Variants in GALT observed in about 807,000 individuals in gnomAD.
The protein encoded by GALT is galactose-1-phosphate uridylyltransferase.
GALT carries 42 observed loss-of-function variants against 55.4 expected under a neutral mutation model. That is an observed-to-expected ratio of 0.76 (90% CI 0.59 to 0.98). GALT has a LOEUF of 0.98. Ranked by LOEUF, GALT falls within the 50% of genes least tolerant of loss-of-function variation. The pLI is 0.00. For synonymous variants in GALT, 154 were observed against 181.5 expected, an observed-to-expected ratio of 0.85 and a Z score of 1.22; for missense variants, 407 against 495.7, an observed-to-expected ratio of 0.82 and a Z score of 1.70.
rs1039226219 is a variant in GALT at position 34,648,978 on chromosome 9, G to T, written c.821-20G>T. 14 of 1,613,832 alleles carry T rather than the reference G, an allele frequency of 8.7e-6. No homozygotes were observed. Among genetic ancestry groups the T allele is most frequent in the African/African-American group, 2.7e-5 (2 of 74,926 alleles). ...GGTCAGCATCTGGACCCCAGGCTGA[G>T]AGTCAGGCTCTGATTCCAGATCTAG... is the stretch of plus-strand genomic sequence containing the variant. On this transcript the variant is annotated intron_variant, in intron 8 of 10. Transcript: ENST00000378842. The surrounding 1 kb of genome is among the most constrained non-coding windows in gnomAD (Gnocchi z 4.9).
At position 34,647,096 on chromosome 9, in the gene GALT, G is replaced by A; in HGVS notation, c.90G>A (p.Gln30=). 1.2e-6 allele frequency: 2 copies of A among 1,614,184 alleles called. No homozygotes were observed. Among genetic ancestry groups the A allele is most frequent in the Non-Finnish European group, 8.5e-7 (1 of 1,180,042 alleles). ...AAATFRANDH[Q]HIRYNPLQDE... is the part of the protein sequence containing the mutation. ...TTGACTGTCTGCCCCCAGACCATCA[G>A]CATATCCGCTACAACCCGCTGCAGG... The change falls in exon 2 of 11, where the codon CAG becomes CAA. Residue 30 remains glutamine (Q), a synonymous_variant. Coordinates refer to ENST00000378842, the MANE Select transcript of GALT (RefSeq NM_000155.4). This position sits in a 1 kb window ranked among gnomAD's most constrained non-coding sequence, Gnocchi z 5.6.
chr9:34,648,710 A>T lies in GALT; in HGVS notation c.688-52A>T. 1 of 1,608,996 alleles carries T rather than the reference A, an allele frequency of 6.2e-7. No individual in the cohort carries two copies. The highest frequency in any genetic ancestry group is 8.5e-7 in the Non-Finnish European group (1 of 1,179,196). ...CTTCCCTTGCCTATTTGCTGACCAC[A>T]CTCCGGCTCCTATGTCACCTTGATG... On this transcript the variant is annotated intron_variant, in intron 7 of 10. Transcript: ENST00000378842. The surrounding 1 kb of genome is among the most constrained non-coding windows in gnomAD (Gnocchi z 4.9).
chr9:34,648,305 T>C lies in GALT; in HGVS notation c.565-29T>C. On this transcript the variant is annotated intron_variant, in intron 6 of 10. Transcript: ENST00000378842. This position sits in a 1 kb window ranked among gnomAD's most constrained non-coding sequence, Gnocchi z 4.9. ...GAGGCTTGGAGGTAAAGGACCTGCC[T>C]GTTCTTCTCTGCTTTTGCCCCTTGA... 1 of 1,614,070 alleles carries C rather than the reference T, an allele frequency of 6.2e-7. No homozygotes were observed. Among genetic ancestry groups the C allele is most frequent in the East Asian group, 2.2e-5 (1 of 44,878 alleles).
Position 34,648,009 on chromosome 9 carries a change from A to C in GALT, c.507+48A>C, listed in dbSNP as rs1167835678. The C allele has an allele frequency of 1.2e-6, 2 of 1,614,118 alleles. No individual in the cohort carries two copies. Among genetic ancestry groups the C allele is most frequent in the East Asian group, 4.5e-5 (2 of 44,876 alleles). On this transcript the variant is annotated intron_variant, in intron 5 of 10. Transcript: ENST00000378842. This position sits in a 1 kb window ranked among gnomAD's most constrained non-coding sequence, Gnocchi z 4.9. The stretch of plus-strand genomic sequence containing the variant: ...CTGGATGGGCAGGGAGGGGGTGATG[A>C]AGCTTTGGTTCTGGGGAGTAACATT...
At chr9:34,649,381 C>T (rs1467914469) in intron 9 of GALT, 29 bp from the exon 10 acceptor site, 2 of 1,613,964 alleles carry the variant, frequency 1.2e-6, no homozygotes, top group Admixed American at 1.7e-5. Flanking sequence ...AGGGCTCTCT[C>T]TCCCCACTGT....
Position 34,647,272 on chromosome 9 carries a change from G to T in GALT, c.252+14G>T. On this transcript the variant is annotated intron_variant, in intron 2 of 10. Coordinates refer to ENST00000378842, the MANE Select transcript of GALT (RefSeq NM_000155.4). This position sits in a 1 kb window ranked among gnomAD's most constrained non-coding sequence, Gnocchi z 5.6. ...GCCAACGGAGAGGTAAGCCTGTAGAGCCCTGCATCTGCAGGCTGGGCCACG... is the reference window on the plus strand; with the variant it reads ...GCCAACGGAGAGGTAAGCCTGTAGATCCCTGCATCTGCAGGCTGGGCCACG... 6.2e-7 allele frequency: 1 copy of T among 1,614,010 alleles called. No individual in the cohort carries two copies. The highest frequency in any genetic ancestry group is 8.5e-7 in the Non-Finnish European group (1 of 1,179,946).
intron 9 of GALT, 119 bp from the exon 10 acceptor site, chr9:34,649,291 C>A: frequency 7.0e-7 from 1 of 1,426,226 alleles, no homozygotes; most frequent in East Asian, 2.3e-5. Flanking sequence ...CAGCTCTTCT[C>A]AAGCAGGGGA....
chr9:34,649,863 C>T (rs562480073), intron 10 of GALT: 8 of 391,728 alleles, frequency 2.0e-5, no homozygotes, highest in Admixed American at 4.0e-5. Context: ...CTGGTGGCTT[C>T]AGCAGTCCTT....
In GALT at chr9:34,649,512, T is replaced by C; in HGVS notation, c.1007T>C (p.Met336Thr). 1 of 1,614,200 alleles carries C rather than the reference T, an allele frequency of 6.2e-7. No homozygotes were observed. Among genetic ancestry groups the C allele is most frequent in the Non-Finnish European group, 8.5e-7 (1 of 1,180,028 alleles). ...CGCTCTGCCACTGTCCGGAAATTCA[T>C]GGTTGGCTACGAAATGCTTGCTCAG... ...LLRSATVRKF[M>T]VGYEMLAQAQ... Residue 336 changes from methionine (M) to threonine (T), a missense_variant, in exon 10 of 11, where the codon ATG (methionine) becomes ACG (threonine). Physicochemically the swap from Met to Thr is moderately conservative, Grantham distance 81 (BLOSUM62 -1). Transcript: ENST00000378842.
Position 34,647,257 on chromosome 9 carries a change from A to C in GALT, c.251A>C (p.Glu84Ala), listed in dbSNP as rs972103941. The C allele has an allele frequency of 6.2e-7, 1 of 1,613,902 alleles. No homozygotes were observed. The highest frequency in any genetic ancestry group is 1.3e-5 in the African/African-American group (1 of 74,910). The change falls in exon 2 of 11, where the codon GAG (glutamate) becomes GCG (alanine). Residue 84 changes from glutamate (E) to alanine (A), a missense_variant and splice_region_variant. Glu to Ala is a moderately radical substitution (Grantham distance 107). Transcript: ENST00000378842. The surrounding 1 kb of genome is among the most constrained non-coding windows in gnomAD (Gnocchi z 5.6). ...LCPGAIRANG[E>A]VNPQYDSTFL... is the part of the protein sequence containing the mutation. ...CCTGGGGCCATCCGAGCCAACGGAG[A>C]GGTAAGCCTGTAGAGCCCTGCATCT...
chr9:34,650,304 TCCATGCCACCATTCTTGGCAGCC>T (rs2132347769), intron 10 of GALT, 42 bp from the exon 11 acceptor site: 1 of 596,524 alleles, frequency 1.7e-6, no homozygotes, highest in African/African-American at 3.1e-5. Context: ...AAAAATGAAG[TCCATGCCACCATTCTTGGCAGCC>T]CAGCCCTTAT....
In GALT at chr9:34,647,945, A is replaced by G. The variant is rs754390906; in HGVS notation, c.491A>G (p.Gln164Arg). 1.2e-6 allele frequency: 2 copies of G among 1,614,212 alleles called. No homozygotes were observed. Among genetic ancestry groups the G allele is most frequent in the Non-Finnish European group, 1.7e-6 (2 of 1,180,030 alleles). The change falls in exon 5 of 11, where the codon CAG becomes CGG. Residue 164 changes from glutamine to arginine, a missense_variant. Physicochemically the swap from Gln to Arg is conservative, Grantham distance 43 (BLOSUM62 1). Coordinates refer to ENST00000378842, the MANE Select transcript of GALT (RefSeq NM_000155.4). This position sits in a 1 kb window ranked among gnomAD's most constrained non-coding sequence, Gnocchi z 5.6. ...TCAGTCACAGAGGAGCTGGGTGCCC[A>G]GTACCCTTGGGTGCAGGTTTGTGAG... ...WASVTEELGA[Q>R]YPWVQIFENK...
At position 34,647,166 on chromosome 9, in the gene GALT, C is replaced by T. The variant is rs111033649; in HGVS notation, c.160C>T (p.Gln54Ter). 6.2e-7 allele frequency: 1 copy of T among 1,614,182 alleles called. No homozygotes were observed. The highest frequency in any genetic ancestry group is 8.5e-7 in the Non-Finnish European group (1 of 1,180,024). Residue 54 changes from glutamine (Q) to a stop codon, truncating the protein, a stop_gained, in exon 2 of 11, where the codon CAG becomes TAG. Coordinates refer to ENST00000378842, the MANE Select transcript of GALT (RefSeq NM_000155.4). LOFTEE classifies it high-confidence loss of function. The surrounding 1 kb of genome is among the most constrained non-coding windows in gnomAD (Gnocchi z 5.6). ...AGCTCACCGCATGAAGCGGCCCTGG[C>T]AGGGTCAAGTGGAGCCCCAGCTTCT... Reference protein sequence around the residue: ...VSAHRMKRPWQGQVEPQLLKT... With the variant: ...VSAHRMKRPW
At chr9:34,649,124 C>T in intron 9 of GALT, 43 bp downstream of exon 9, 2 of 1,565,018 alleles carry the variant, frequency 1.3e-6, no homozygotes, top group Middle Eastern at 3.4e-4. Context: ...AACACCATTT[C>T]TGGGCTCCTG....
chr9:34,647,157 C>T lies in GALT; in HGVS notation c.151C>T (p.Arg51Trp). The T allele has an allele frequency of 6.2e-7, 1 of 1,614,188 alleles. No individual in the cohort carries two copies. The highest frequency in any genetic ancestry group is 8.5e-7 in the Non-Finnish European group (1 of 1,180,026). Reference sequence around the variant, plus strand: ...GCTGGTGTCAGCTCACCGCATGAAGCGGCCCTGGCAGGGTCAAGTGGAGCC... The same window carrying T: ...GCTGGTGTCAGCTCACCGCATGAAGTGGCCCTGGCAGGGTCAAGTGGAGCC... Reference protein sequence around the residue: ...WVLVSAHRMKRPWQGQVEPQL... With the variant: ...WVLVSAHRMKWPWQGQVEPQL... Residue 51 changes from arginine to tryptophan, a missense_variant, in exon 2 of 11, where the codon CGG becomes TGG. Physicochemically the swap from Arg to Trp is moderately radical, Grantham distance 101. Coordinates refer to ENST00000378842, the MANE Select transcript of GALT (RefSeq NM_000155.4). This position sits in a 1 kb window ranked among gnomAD's most constrained non-coding sequence, Gnocchi z 5.6.
In GALT at chr9:34,647,486, C is replaced by T. The variant is rs753450355; in HGVS notation, c.253-6C>T. 8.1e-6 allele frequency: 13 copies of T among 1,613,870 alleles called. No homozygotes were observed. Among genetic ancestry groups the T allele is most frequent in the Non-Finnish European group, 1.1e-5 (13 of 1,179,906 alleles). Reference sequence around the variant, plus strand: ...GTGAGTGCTTCTAGCCTATCCTTGTCGGTAGGTGAATCCCCAGTACGATAG... The same window carrying T: ...GTGAGTGCTTCTAGCCTATCCTTGTTGGTAGGTGAATCCCCAGTACGATAG... On this transcript the variant is annotated splice_region_variant and splice_polypyrimidine_tract_variant and intron_variant, in intron 2 of 10. Transcript: ENST00000378842. The surrounding 1 kb of genome is among the most constrained non-coding windows in gnomAD (Gnocchi z 5.6).
Position 34,650,412 on chromosome 9 carries a change from T to C in GALT, c.1103T>C (p.Leu368Pro), listed in dbSNP as rs764236755. ...GCACTTCCTGAGGTTCATTACCACC[T>C]GGGGCAGAAGGACAGGGAGACAGCA... is the stretch of plus-strand genomic sequence containing the variant. The part of the protein sequence containing the change: ...LRALPEVHYH[L>P]GQKDRETATI... The change falls in exon 11 of 11, where the codon CTG (leucine) becomes CCG (proline). Residue 368 changes from leucine (L) to proline (P), a missense_variant. Transcript: ENST00000378842. The C allele has an allele frequency of 7.4e-6, 12 of 1,613,950 alleles. No homozygotes were observed. In the African/African-American group the frequency reaches 1.6e-4, roughly 22 times the overall value.
rs1331718470 is a variant in GALT at position 34,647,961 on chromosome 9, G to C, written c.507G>C (p.Gln169His). ...EELGAQYPWV[Q>H]IFENKGAMMG... ...TGGGTGCCCAGTACCCTTGGGTGCAGGTTTGTGAGGTCGCCCCTTCCCCTG... is the reference window on the plus strand; with the variant it reads ...TGGGTGCCCAGTACCCTTGGGTGCACGTTTGTGAGGTCGCCCCTTCCCCTG... The change falls in exon 5 of 11, where the codon CAG becomes CAC. Residue 169 changes from glutamine to histidine, a missense_variant and splice_region_variant. Physicochemically the swap from Gln to His is conservative, Grantham distance 24. Coordinates refer to ENST00000378842, the MANE Select transcript of GALT (RefSeq NM_000155.4). The surrounding 1 kb of genome is among the most constrained non-coding windows in gnomAD (Gnocchi z 5.6). 1.9e-6 allele frequency: 3 copies of C among 1,614,240 alleles called. No individual in the cohort carries two copies. The highest frequency in any genetic ancestry group is 4.5e-5 in the East Asian group (2 of 44,888).
chr9:34,648,049 G>A lies in GALT; in HGVS notation c.508-66G>A. ...GGAGTAACATTTCTGTTTCCACAGG[G>A]TGTGGTCAGGAGGGAGTTGACTTGG... On this transcript the variant is annotated intron_variant, in intron 5 of 10. Coordinates refer to ENST00000378842, the MANE Select transcript of GALT (RefSeq NM_000155.4). The surrounding 1 kb of genome is among the most constrained non-coding windows in gnomAD (Gnocchi z 4.9). 1 of 1,614,202 alleles carries A rather than the reference G, an allele frequency of 6.2e-7. No homozygotes were observed. The highest frequency in any genetic ancestry group is 8.5e-7 in the Non-Finnish European group (1 of 1,180,026).
Sources: gnomAD v4.1 joint callset for allele counts on GRCh38, gnomAD v4.1.1 for gene constraint, Gnocchi (gnomAD v3.1) non-coding constraint, MANE v1.5 for transcripts, NCBI Gene and HGNC (gene_info 2026-07-23, HGNC 2026-07-21) for gene names.